Variants in PIAS1 observed in about 807,000 individuals in gnomAD.
PIAS1 encodes the protein protein inhibitor of activated STAT 1, also known as E3 SUMO-protein ligase PIAS1.
Under a neutral mutation model 71.3 loss-of-function variants are expected in PIAS1, and 6 were observed. That is an observed-to-expected ratio of 0.08 (90% CI 0.05 to 0.17). The LOEUF is 0.17. Ranked by LOEUF, PIAS1 falls within the 10% of genes least tolerant of loss-of-function variation. The pLI is 1.00. For synonymous variants in PIAS1, 303 were observed against 292.9 expected (o/e 1.03, Z -0.35); for missense variants, 555 against 793.6 (o/e 0.70, Z 3.61).
intron 8 of PIAS1, among the ~76,000 whole-genome samples, chr15:68,169,212 A>G (rs770605980): frequency 9.9e-5 from 15 of 152,216 alleles, no homozygotes; most frequent in Admixed American, 4.6e-4. Context: ...TAGATAAGCT[A>G]AGGTCTGACA....
Position 68,186,163 on chromosome 15 carries a change from T to G in PIAS1, c.1663-1379T>G, listed in dbSNP as rs2093086449. Among the ~76,000 whole-genome samples the G allele has an allele frequency of 6.6e-6, 1 of 152,184 alleles. No individual in the cohort carries two copies. The highest frequency in any genetic ancestry group is 2.1e-4 in the South Asian group (1 of 4,830). On this transcript the variant is annotated intron_variant, in intron 13 of 13. Transcript: ENST00000249636. This position sits in a 1 kb window ranked among gnomAD's most constrained non-coding sequence, Gnocchi z 4.4. ...CTCAGGCAGGTCCTTCAGTGGGTGT[T>G]CCAGAAGATTGTTGTCATAGCAAAT... is the stretch of plus-strand genomic sequence containing the variant.
intron 1 of PIAS1, among the ~76,000 whole-genome samples, chr15:68,058,702 G>T (rs891671257): frequency 6.6e-6 from 1 of 152,156 alleles, no homozygotes; most frequent in Admixed American, 6.5e-5. Flanking sequence ...ATTAATTTTT[G>T]TAAGTATCAT....
intron 8 of PIAS1, among the ~76,000 whole-genome samples, chr15:68,172,909 G>A (rs548592337): frequency 5.9e-5 from 9 of 152,328 alleles, no homozygotes; most frequent in Admixed American, 2.0e-4. Context: ...AGAGGTCCAG[G>A]GCTGTAGGCT....
intron 2 of PIAS1, among the ~76,000 whole-genome samples, chr15:68,130,820 T>C (rs1028822058): frequency 2.0e-5 from 3 of 152,170 alleles, no homozygotes; most frequent in African/African-American, 4.8e-5. Flanking sequence ...GATAGAGATA[T>C]ATATCCTCTA....
At chr15:68,100,223 T>C (rs2140997371) in intron 2 of PIAS1, among the ~76,000 whole-genome samples, 1 of 152,336 alleles carries the variant, frequency 6.6e-6, no homozygotes, top group East Asian at 1.9e-4. Context: ...TCTTTCTTAA[T>C]ATAGTGCAGT....
At chr15:68,125,022 G>A (rs572878267) in intron 2 of PIAS1, among the ~76,000 whole-genome samples, 27 of 152,216 alleles carry the variant, frequency 1.8e-4, no homozygotes, top group Admixed American at 5.9e-4. Context: ...TGATTATATT[G>A]TAATTTTGTT....
In PIAS1 at chr15:68,191,691, T is replaced by C. The variant is rs1400687369; in HGVS notation, c.*3856T>C. 1 of 152,518 alleles carries C rather than the reference T, an allele frequency of 6.6e-6. No homozygotes were observed. The highest frequency in any genetic ancestry group is 2.4e-5 in the African/African-American group (1 of 41,468). 9.4% of individuals were successfully genotyped at this position (152,518 alleles called of 1,614,324 possible). On this transcript the variant is annotated 3_prime_UTR_variant, in exon 14 of 14. Coordinates refer to ENST00000249636, the MANE Select transcript of PIAS1 (RefSeq NM_016166.3). ...CTCTTTAATAAATCACAGCATCTGT[T>C]TAGTATCTGCAGTTTGAATGCTAAG...
intron 2 of PIAS1, among the ~76,000 whole-genome samples, chr15:68,117,841 T>C (rs1309342138): frequency 6.6e-6 from 1 of 152,240 alleles, no homozygotes; most frequent in Non-Finnish European, 1.5e-5. Flanking sequence ...TTTCACATGC[T>C]GATTTCATTT....
At chr15:68,133,681 T>TAAA (rs142531751) in intron 2 of PIAS1, among the ~76,000 whole-genome samples, 4 of 116 alleles carry the variant, frequency 0.034, 1 homozygote, top group Non-Finnish European at 1. Context: ...TTTAGATTTT[T>TAAA]ATTTTTATTT....
At chr15:68,152,879 T>G (rs1253463540) in intron 6 of PIAS1, among the ~76,000 whole-genome samples, 5 of 151,764 alleles carry the variant, frequency 3.3e-5, no homozygotes, top group Non-Finnish European at 7.4e-5. Context: ...ATTAACTGTT[T>G]TTTTTTGGTT....
intron 2 of PIAS1, among the ~76,000 whole-genome samples, chr15:68,101,517 G>GC (rs2092426428): frequency 6.6e-6 from 1 of 152,006 alleles, no homozygotes. Flanking sequence ...CAGTGCAGTG[G>GC]CTGTTCACAA....
chr15:68,143,636 T>G (rs1284043665), intron 4 of PIAS1, among the ~76,000 whole-genome samples: 1 of 152,128 alleles, frequency 6.6e-6, no homozygotes, highest in Non-Finnish European at 1.5e-5. Context: ...AAATAAGATG[T>G]CTCCATAGTT....
chr15:68,193,702 C>T lies in PIAS1; in HGVS notation c.*5867C>T. On this transcript the variant is annotated 3_prime_UTR_variant, in exon 14 of 14. Coordinates refer to ENST00000249636, the MANE Select transcript of PIAS1 (RefSeq NM_016166.3). ...GGCTTTGAGGAGTGAAATGATTTGC[C>T]CAAAGTCACAGTGGGAAGCAGCAGA... 2 of 285,070 alleles carry T rather than the reference C, an allele frequency of 7.0e-6. No homozygotes were observed. The highest frequency in any genetic ancestry group is 6.7e-6 in the Non-Finnish European group (1 of 150,066). The allele number at this position is 285,070 out of a possible 1,614,324, so 17.7% of individuals were successfully genotyped here. A position where few individuals can be genotyped will look rare whatever the true frequency, so the allele number is the denominator to read the frequency against.
intron 1 of PIAS1, among the ~76,000 whole-genome samples, chr15:68,069,719 G>T (rs2092071982): frequency 6.6e-6 from 1 of 151,288 alleles, no homozygotes; most frequent in South Asian, 2.1e-4. Context: ...CAGGAGAATG[G>T]TGTGAACCTG....
chr15:68,191,403 A>T lies in PIAS1; in HGVS notation c.*3568A>T, dbSNP rs1370075454. On this transcript the variant is annotated 3_prime_UTR_variant, in exon 14 of 14. Transcript: ENST00000249636. ...TGCATTGGAAAAAAATTGTTTACCT[A>T]TTGAATGTTACCTGTTTATGTAGAG... 10 of 152,682 alleles carry T rather than the reference A, an allele frequency of 6.5e-5. No individual in the cohort carries two copies. The East Asian group carries it at 1.9e-3, about 29-fold the overall frequency. The allele number at this position is 152,682 out of a possible 1,614,324, so 9.5% of individuals were successfully genotyped here.
chr15:68,071,299 C>G (rs1597128869), intron 1 of PIAS1, among the ~76,000 whole-genome samples: 3 of 136,024 alleles, frequency 2.2e-5, no homozygotes, highest in African/African-American at 8.1e-5. Context: ...CAGAGTCTCA[C>G]TCTGTCGCCC....
intron 1 of PIAS1, among the ~76,000 whole-genome samples, chr15:68,077,079 A>G (rs890826774): frequency 2.0e-5 from 3 of 152,228 alleles, no homozygotes; most frequent in African/African-American, 7.2e-5. Context: ...GTTTGACTTT[A>G]TACTGTAGCC....
intron 2 of PIAS1, among the ~76,000 whole-genome samples, chr15:68,096,118 C>G (rs757172009): frequency 2.0e-5 from 3 of 152,098 alleles, no homozygotes; most frequent in African/African-American, 4.8e-5. Flanking sequence ...TCAAGATAAT[C>G]TGCAGTTCCT....
At chr15:68,092,628 T>A (rs2092342361) in intron 2 of PIAS1, among the ~76,000 whole-genome samples, 1 of 152,220 alleles carries the variant, frequency 6.6e-6, no homozygotes, top group Non-Finnish European at 1.5e-5. Flanking sequence ...GTGGGGCCTT[T>A]AGCAGGTGAT....
Sources: allele counts gnomAD v4.1 joint callset (sites outside exome capture counted in the v4.1 genomes callset), GRCh38; gene constraint gnomAD v4.1.1; non-coding constraint Gnocchi (gnomAD v3.1); transcripts MANE v1.5; gene names NCBI Gene and HGNC (gene_info 2026-07-23, HGNC 2026-07-21).